Variants in ANKRD12 observed in about 807,000 individuals in gnomAD.
ANKRD12 encodes the protein ankyrin repeat domain 12.
ANKRD12 carries 85 observed loss-of-function variants against 183.4 expected under a neutral mutation model. The observed-to-expected ratio is 0.46, with a 90% confidence interval of 0.39 to 0.56. The LOEUF (loss-of-function observed/expected upper bound fraction) is 0.56. Ranked by LOEUF, ANKRD12 falls within the 20% of genes least tolerant of loss-of-function variation. The pLI is 0.00. For synonymous variants in ANKRD12, 914 were observed against 800.2 expected, an observed-to-expected ratio of 1.14 and a Z score of -2.40; for missense variants, 2,405 against 2,357.1, an observed-to-expected ratio of 1.02 and a Z score of -0.42.
rs2040101492 is a variant in ANKRD12, at chr18:9,281,396, A to T, written c.*270A>T. 4.0e-6 allele frequency: 1 copy of T among 248,960 alleles called. No individual in the cohort carries two copies. The highest frequency in any genetic ancestry group is 7.5e-6 in the Non-Finnish European group (1 of 132,842). The allele number at this position is 248,960 out of a possible 1,614,324, so 15.4% of individuals were successfully genotyped here. ...CATGTTGGCAGACTGGTAGGTATTT[A>T]AAAAGTTGAGAATCTGCTAACAGCG... On this transcript the variant is annotated 3_prime_UTR_variant, in exon 13 of 13. Transcript: ENST00000262126.
Position 9,256,168 on chromosome 18 carries a change from A to G in ANKRD12, c.2901A>G (p.Lys967=). Residue 967 remains lysine (K), a synonymous_variant, in exon 9 of 13, where the codon AAA becomes AAG. Transcript: ENST00000262126. The part of the protein sequence containing the change: ...ELDKKEKSRD[K]ESINITNSKH... ...ATAAAAAGGAAAAATCTAGAGATAA[A>G]GAAAGTATAAATATAACTAACTCCA... 1.3e-6 allele frequency: 2 copies of G among 1,561,226 alleles called. No homozygotes were observed.
At chr18:9,162,896 G>T (rs1243135133) in intron 1 of ANKRD12, among the ~76,000 whole-genome samples, 1 of 151,788 alleles carries the variant, frequency 6.6e-6, no homozygotes, top group Non-Finnish European at 1.5e-5. Context: ...GGGGTTGGTT[G>T]TTTTTTTCTT....
intron 10 of ANKRD12, among the ~76,000 whole-genome samples, chr18:9,273,125 G>T (rs537820316): frequency 5.6e-4 from 85 of 152,240 alleles, no homozygotes; most frequent in African/African-American, 2.0e-3. Context: ...AGGTCCCAGG[G>T]TTATCCCCAT....
chr18:9,179,161 A>G (rs781561050), intron 1 of ANKRD12, among the ~76,000 whole-genome samples: 11 of 152,156 alleles, frequency 7.2e-5, no homozygotes, highest in Non-Finnish European at 1.6e-4. Context: ...ATTAGTTCTA[A>G]TAGCTTCTTT....
chr18:9,236,140 G>A (rs888911018), intron 8 of ANKRD12, among the ~76,000 whole-genome samples: 4 of 152,174 alleles, frequency 2.6e-5, no homozygotes, highest in East Asian at 1.9e-4. Flanking sequence ...GAGGAGACAG[G>A]GAAAGTGGGG....
At chr18:9,168,394 A>G (rs559721879) in intron 1 of ANKRD12, among the ~76,000 whole-genome samples, 1 of 152,280 alleles carries the variant, frequency 6.6e-6, no homozygotes, top group Admixed American at 6.5e-5. Flanking sequence ...CCTCAATTTC[A>G]GAGCCTGTTA....
Position 9,258,696 on chromosome 18 carries a change from A to G in ANKRD12, c.5429A>G (p.Gln1810Arg). The G allele has an allele frequency of 1.2e-6, 2 of 1,613,996 alleles. No individual in the cohort carries two copies. The highest frequency in any genetic ancestry group is 1.7e-6 in the Non-Finnish European group (2 of 1,179,920). The change falls in exon 9 of 13, where the codon CAG becomes CGG. Residue 1810 changes from glutamine (Q) to arginine (R), a missense_variant. Gln to Arg is a conservative substitution (Grantham distance 43). Transcript: ENST00000262126. ...TTACTACAAGCAAAAGAGAAAACTC[A>G]GCAATCTCTGGCAGCCATTGTAGAT... The part of the protein sequence containing the change: ...PSLLQAKEKT[Q>R]QSLAAIVDSL...
chr18:9,266,879 G>A (rs370656256), intron 10 of ANKRD12, among the ~76,000 whole-genome samples: 40 of 152,036 alleles, frequency 2.6e-4, no homozygotes, highest in African/African-American at 7.2e-4. Flanking sequence ...CCCATCTCAC[G>A]TGCAGAGACA....
chr18:9,222,574 A>G (rs1647982353), intron 8 of ANKRD12, among the ~76,000 whole-genome samples: 1 of 152,116 alleles, frequency 6.6e-6, no homozygotes, highest in Non-Finnish European at 1.5e-5. Flanking sequence ...TATTTCAGGC[A>G]AAATTCAGTG....
chr18:9,195,022 G>GT (rs965522825), intron 2 of ANKRD12, among the ~76,000 whole-genome samples: 40 of 152,182 alleles, frequency 2.6e-4, no homozygotes, highest in Admixed American at 1.3e-4. Context: ...ATGAGATCAT[G>GT]TTTTTTGCAC....
intron 1 of ANKRD12, among the ~76,000 whole-genome samples, chr18:9,167,356 A>C (rs1383331598): frequency 2.0e-5 from 3 of 152,164 alleles, no homozygotes; most frequent in African/African-American, 7.2e-5. Flanking sequence ...TGAGCATGGA[A>C]TGTTCTTCCA....
intron 8 of ANKRD12, among the ~76,000 whole-genome samples, chr18:9,237,171 A>G (rs1831167580): frequency 6.6e-6 from 1 of 152,206 alleles, no homozygotes; most frequent in African/African-American, 2.4e-5. Flanking sequence ...TCTTTTTGAA[A>G]AACAGTCTAG....
intron 1 of ANKRD12, among the ~76,000 whole-genome samples, chr18:9,169,904 C>A (rs960067816): frequency 1.3e-4 from 20 of 152,106 alleles, no homozygotes; most frequent in Non-Finnish European, 2.5e-4. Flanking sequence ...TTAGGGCAGG[C>A]CTGGTAGTGA....
chr18:9,153,878 T>C (rs138592045), intron 1 of ANKRD12, among the ~76,000 whole-genome samples: 81 of 152,342 alleles, frequency 5.3e-4, no homozygotes, highest in African/African-American at 1.5e-3. Flanking sequence ...TTATCTATTA[T>C]ATACCTAATC....
intron 4 of ANKRD12, among the ~76,000 whole-genome samples, chr18:9,205,415 T>C (rs529848378): frequency 1.3e-5 from 2 of 152,274 alleles, no homozygotes; most frequent in South Asian, 4.1e-4. Context: ...ATACACTTTT[T>C]ATTTATTTTA....
intron 10 of ANKRD12, among the ~76,000 whole-genome samples, chr18:9,267,515 C>A (rs563173732): frequency 2.6e-5 from 4 of 152,070 alleles, no homozygotes; most frequent in South Asian, 4.1e-4. Context: ...CTGCTCCTGA[C>A]TGACTACTGG....
rs1374446163 is a variant in ANKRD12 at position 9,281,049 on chromosome 18, A to G, written c.6112A>G (p.Ile2038Val). ...QELDPATYKS[I>V]SIYEIQEFYV... Reference sequence around the variant, plus strand: ...ACTTGATCCTGCCACCTATAAATCTATCAGCATTTACGAAATCCAGGAGTT... The same window carrying G: ...ACTTGATCCTGCCACCTATAAATCTGTCAGCATTTACGAAATCCAGGAGTT... Residue 2038 changes from isoleucine to valine, a missense_variant, in exon 13 of 13, where the codon ATC becomes GTC. Ile to Val is a conservative substitution (Grantham distance 29). This residue lies in a region of ANKRD12 where 162 missense variants were observed against 272.2 expected (regional missense o/e 0.60). Transcript: ENST00000262126. The G allele has an allele frequency of 1.9e-6, 3 of 1,614,182 alleles. No individual in the cohort carries two copies. Among genetic ancestry groups the G allele is most frequent in the Non-Finnish European group, 2.5e-6 (3 of 1,180,024 alleles).
At chr18:9,194,926 T>G (rs1399295112) in intron 2 of ANKRD12, among the ~76,000 whole-genome samples, 2 of 152,176 alleles carry the variant, frequency 1.3e-5, no homozygotes, top group Non-Finnish European at 2.9e-5. Flanking sequence ...ATACATGGAA[T>G]TAACCTAAAT....
chr18:9,274,303 A>G (rs2039731850), intron 10 of ANKRD12, among the ~76,000 whole-genome samples: 1 of 152,254 alleles, frequency 6.6e-6, no homozygotes, highest in South Asian at 2.1e-4. Flanking sequence ...ATGTCTATCA[A>G]CTGATGAATA....
Sources: allele counts gnomAD v4.1 joint callset (sites outside exome capture counted in the v4.1 genomes callset), GRCh38; gene constraint gnomAD v4.1.1; regional missense constraint gnomAD v4.1.1; transcripts MANE v1.5; gene names NCBI Gene and HGNC (gene_info 2026-07-23, HGNC 2026-07-21).